FBXL7: variants seen among roughly 807,000 people sequenced by gnomAD.
The protein encoded by FBXL7 is F-box/LRR-repeat protein 7.
A neutral mutation model predicts 38.3 loss-of-function variants in FBXL7; 12 were observed. That is an observed-to-expected ratio of 0.31 (90% CI 0.20 to 0.51). FBXL7 has a LOEUF of 0.51. Ranked by LOEUF, FBXL7 falls within the 20% of genes least tolerant of loss-of-function variation. The pLI, the probability that FBXL7 is intolerant of heterozygous loss-of-function variation, is 0.98. For missense variants in FBXL7, 567 were observed against 676.4 expected (o/e 0.84, Z 1.79); for synonymous variants, 297 against 300.9 (o/e 0.99, Z 0.13).
chr5:15,670,111 A>G (rs1383382364), intron 2 of FBXL7, among the ~76,000 whole-genome samples: 2 of 152,132 alleles, frequency 1.3e-5, no homozygotes, highest in East Asian at 3.9e-4. Flanking sequence ...TTTGGGGATT[A>G]TTTGTTACTA....
chr5:15,528,982 T>C (rs1580353439), intron 1 of FBXL7, among the ~76,000 whole-genome samples: 1 of 152,232 alleles, frequency 6.6e-6, no homozygotes, highest in East Asian at 1.9e-4. Context: ...TACATTATTA[T>C]TAACTGTGGT....
At chr5:15,733,569 A>C (rs1193573323) in intron 2 of FBXL7, among the ~76,000 whole-genome samples, 1 of 152,222 alleles carries the variant, frequency 6.6e-6, no homozygotes, top group African/African-American at 2.4e-5. Context: ...TGACTGAAAC[A>C]TAACTGTCCT....
chr5:15,658,241 C>T (rs1741942583), intron 2 of FBXL7, among the ~76,000 whole-genome samples: 1 of 152,104 alleles, frequency 6.6e-6, no homozygotes, highest in Non-Finnish European at 1.5e-5. Flanking sequence ...AAACTTTTGC[C>T]ATCTAATACT....
intron 2 of FBXL7, among the ~76,000 whole-genome samples, chr5:15,859,577 G>A (rs1481755434): frequency 2.0e-5 from 3 of 152,170 alleles, no homozygotes; most frequent in Non-Finnish European, 4.4e-5. Context: ...GCAAAGTCAT[G>A]TCTCGCATGG....
chr5:15,780,907 T>C (rs2126720616), intron 2 of FBXL7, among the ~76,000 whole-genome samples: 1 of 152,308 alleles, frequency 6.6e-6, no homozygotes, highest in Admixed American at 6.5e-5. Flanking sequence ...AATTCTGTTC[T>C]TTCTGGTGCA....
At chr5:15,652,482 G>A (rs1741744920) in intron 2 of FBXL7, among the ~76,000 whole-genome samples, 1 of 152,092 alleles carries the variant, frequency 6.6e-6, no homozygotes, top group African/African-American at 2.4e-5. Context: ...TAGCCCGGAT[G>A]GTCTCGATAT....
intron 2 of FBXL7, among the ~76,000 whole-genome samples, chr5:15,675,034 G>A (rs1026257176): frequency 6.6e-6 from 1 of 152,108 alleles, no homozygotes; most frequent in African/African-American, 2.4e-5. Flanking sequence ...TGCCACAGGC[G>A]AGGTCAAATA....
chr5:15,877,417 G>T (rs1294002680), intron 2 of FBXL7, among the ~76,000 whole-genome samples: 1 of 152,126 alleles, frequency 6.6e-6, no homozygotes, highest in Non-Finnish European at 1.5e-5. Flanking sequence ...TTTCCTTCTT[G>T]TTGCCTGTTA....
chr5:15,647,870 A>G (rs1323876055), intron 2 of FBXL7, among the ~76,000 whole-genome samples: 1 of 152,324 alleles, frequency 6.6e-6, no homozygotes, highest in East Asian at 1.9e-4. Flanking sequence ...GCCCAAGCCC[A>G]TGCAGCTGAC....
chr5:15,502,281 T>A (rs950341787), intron 1 of FBXL7, among the ~76,000 whole-genome samples: 5 of 109,842 alleles, frequency 4.6e-5, no homozygotes, highest in African/African-American at 1.7e-4. Flanking sequence ...GCCCCAGCCC[T>A]TCTAATCCTC....
chr5:15,912,136 T>C (rs1374443271), intron 2 of FBXL7, among the ~76,000 whole-genome samples: 19 of 53,884 alleles, frequency 3.5e-4, no homozygotes, highest in Admixed American at 9.2e-4. Flanking sequence ...CGTTGCCGCC[T>C]TGCAGTTTGA....
chr5:15,551,696 A>T lies in FBXL7; in HGVS notation c.37+50983A>T, dbSNP rs926156400. Reference sequence around the variant, plus strand: ...CATATTAAGGAATTTTTTCCAAAAAATCCATTTTATGCCTCTTCATTTTTT... The same window carrying T: ...CATATTAAGGAATTTTTTCCAAAAATTCCATTTTATGCCTCTTCATTTTTT... On this transcript the variant is annotated intron_variant, in intron 1 of 3. Transcript: ENST00000504595. 3.9e-5 allele frequency among the ~76,000 whole-genome samples: 6 copies of T among 152,220 alleles called. No homozygotes were observed. The South Asian group carries it at 6.2e-4, about 16-fold the overall frequency.
At chr5:15,561,570 T>G (rs1241887443) in intron 1 of FBXL7, among the ~76,000 whole-genome samples, 1 of 152,154 alleles carries the variant, frequency 6.6e-6, no homozygotes, top group East Asian at 1.9e-4. Flanking sequence ...TTCCTTTGGA[T>G]ATATACCCAG....
intron 1 of FBXL7, among the ~76,000 whole-genome samples, chr5:15,523,772 C>T (rs1035446924): frequency 6.6e-6 from 1 of 152,118 alleles, no homozygotes; most frequent in African/African-American, 2.4e-5. Context: ...GTGACCCAGA[C>T]GTAGACATCA....
At chr5:15,671,853 C>T (rs1485697530) in intron 2 of FBXL7, among the ~76,000 whole-genome samples, 2 of 152,202 alleles carry the variant, frequency 1.3e-5, no homozygotes, top group African/African-American at 4.8e-5. Flanking sequence ...TTGGTCTGAT[C>T]AATCTCATAA....
chr5:15,736,211 A>G (rs13180702), intron 2 of FBXL7, among the ~76,000 whole-genome samples: 96,402 of 152,066 alleles, frequency 0.63, 31,252 homozygotes, highest in East Asian at 0.72. Flanking sequence ...AATTTATTCT[A>G]TTTATAAATG....
rs753935096 is a variant in FBXL7, at chr5:15,927,764, TAAAAAAAAAAAAAAAAAAA to T, written c.128-121_128-103del. On this transcript the variant is annotated intron_variant, in intron 2 of 3. Coordinates refer to ENST00000504595, the MANE Select transcript of FBXL7 (RefSeq NM_012304.5). Reference sequence around the variant, plus strand: ...CACTCCCGCCTGGGCGACAAGATCTTAAAAAAAAAAAAAAAAAAAAAAAGAAGAAGAAAGAAAAGAAAAG... The same window carrying T: ...CACTCCCGCCTGGGCGACAAGATCTTAAAAGAAGAAGAAAGAAAAGAAAAG... 6.6e-6 allele frequency: 3 copies of T among 456,876 alleles called. No homozygotes were observed. The African/African-American group carries it at 1.1e-4, about 17-fold the overall frequency. The allele number at this position is 456,876 out of a possible 1,614,324, so 28.3% of individuals were successfully genotyped here.
intron 2 of FBXL7, among the ~76,000 whole-genome samples, chr5:15,782,913 T>C (rs1213133142): frequency 6.6e-6 from 1 of 152,094 alleles, no homozygotes; most frequent in Non-Finnish European, 1.5e-5. Context: ...CCTAAATTTA[T>C]TTAGTAGAAT....
At chr5:15,679,254 A>G (rs117842489) in intron 2 of FBXL7, among the ~76,000 whole-genome samples, 1 of 152,206 alleles carries the variant, frequency 6.6e-6, no homozygotes, top group Admixed American at 6.5e-5. Flanking sequence ...TTTTTCAACA[A>G]TCCTCCCTGA....
Sources: gnomAD v4.1 joint callset for allele counts (sites outside exome capture counted in the v4.1 genomes callset) on GRCh38, gnomAD v4.1.1 for gene constraint, MANE v1.5 for transcripts, NCBI Gene and HGNC (gene_info 2026-07-23, HGNC 2026-07-21) for gene names.